The following MAPK8 variants were observed in gnomAD, a reference collection of about 807,000 sequenced individuals.
MAPK8 encodes the protein JUN N-terminal kinase.
A neutral mutation model predicts 52.9 loss-of-function variants in MAPK8; 13 were observed. The ratio of observed to expected loss-of-function variants is 0.25; its 90% CI spans 0.16 to 0.39. MAPK8 has a LOEUF of 0.39. Ranked by LOEUF, MAPK8 falls within the 10% of genes least tolerant of loss-of-function variation. The pLI, the probability that MAPK8 is intolerant of heterozygous loss-of-function variation, is 1.00. For synonymous variants in MAPK8, 191 were observed against 169.8 expected (o/e 1.12, Z -0.97); for missense variants, 300 against 519.2 (o/e 0.58, Z 4.10).
intron 1 of MAPK8, among the ~76,000 whole-genome samples, chr10:48,319,594 A>G (rs571068416): frequency 2.6e-5 from 4 of 152,034 alleles, no homozygotes; most frequent in South Asian, 2.1e-4. Flanking sequence ...GGTTCAAGCA[A>G]TTCTCCTGCC....
chr10:48,365,800 A>G (rs1262250573), intron 1 of MAPK8, among the ~76,000 whole-genome samples: 6 of 152,220 alleles, frequency 3.9e-5, no homozygotes, highest in African/African-American at 1.4e-4. Context: ...TAGGTTGTCA[A>G]AGAATGAGCA....
At chr10:48,311,691 T>C (rs1267770297) in intron 1 of MAPK8, among the ~76,000 whole-genome samples, 1 of 152,240 alleles carries the variant, frequency 6.6e-6, no homozygotes, top group African/African-American at 2.4e-5. Context: ...AACAATTCAT[T>C]GAGGCCTGGA....
At chr10:48,354,250 C>T (rs1846627529) in intron 1 of MAPK8, among the ~76,000 whole-genome samples, 1 of 152,184 alleles carries the variant, frequency 6.6e-6, no homozygotes, top group Non-Finnish European at 1.5e-5. Context: ...TACAGGATGT[C>T]TGGGAAATTG....
chr10:48,318,274 C>G (rs1019300990), intron 1 of MAPK8, among the ~76,000 whole-genome samples: 2 of 152,144 alleles, frequency 1.3e-5, no homozygotes, highest in African/African-American at 2.4e-5. Flanking sequence ...CAAGGATAAG[C>G]TCCTGTACTT....
chr10:48,430,889 T>C, intron 10 of MAPK8: 1 of 399,136 alleles, frequency 2.5e-6, no homozygotes, highest in Non-Finnish European at 4.6e-6. Flanking sequence ...TATGATGTGC[T>C]GTAGCACAAG....
intron 1 of MAPK8, among the ~76,000 whole-genome samples, chr10:48,312,497 C>T (rs1842073120): frequency 6.6e-6 from 1 of 152,166 alleles, no homozygotes; most frequent in Non-Finnish European, 1.5e-5. Flanking sequence ...TCTGGGGAAA[C>T]TAGAAACGAA....
intron 1 of MAPK8, among the ~76,000 whole-genome samples, chr10:48,344,758 A>C (rs919317502): frequency 3.3e-5 from 5 of 152,234 alleles, no homozygotes; most frequent in African/African-American, 1.2e-4. Context: ...TTGGGGAGAC[A>C]GTGTGTTTGT....
intron 3 of MAPK8, 127 bp from the exon 4 acceptor site, chr10:48,409,752 T>G: frequency 4.4e-6 from 3 of 674,158 alleles, no homozygotes; most frequent in Non-Finnish European, 7.6e-6. Flanking sequence ...GCAATTAACT[T>G]GAGCTTAGAA....
intron 1 of MAPK8, among the ~76,000 whole-genome samples, chr10:48,367,814 T>G (rs1848196364): frequency 6.6e-6 from 1 of 152,200 alleles, no homozygotes; most frequent in Non-Finnish European, 1.5e-5. Context: ...GGCATATATT[T>G]GAACACTTGG....
chr10:48,316,989 G>C (rs1390912849), intron 1 of MAPK8, among the ~76,000 whole-genome samples: 1 of 152,084 alleles, frequency 6.6e-6, no homozygotes, highest in African/African-American at 2.4e-5. Flanking sequence ...CTGTTCTTGT[G>C]CTTTATGTAT....
At chr10:48,383,746 T>A (rs1457549356) in intron 1 of MAPK8, among the ~76,000 whole-genome samples, 1 of 152,238 alleles carries the variant, frequency 6.6e-6, no homozygotes, top group Non-Finnish European at 1.5e-5. Flanking sequence ...TTCATTCTCA[T>A]TTTTTAGTTG....
intron 5 of MAPK8, among the ~76,000 whole-genome samples, chr10:48,414,166 A>G (rs1267949721): frequency 3.3e-5 from 5 of 152,038 alleles, no homozygotes; most frequent in Admixed American, 6.5e-5. Flanking sequence ...ATAGAATTAT[A>G]TAATATGTGA....
chr10:48,351,055 T>G (rs1188199886), intron 1 of MAPK8, among the ~76,000 whole-genome samples: 1 of 152,130 alleles, frequency 6.6e-6, no homozygotes, highest in Non-Finnish European at 1.5e-5. Context: ...GAATACATCT[T>G]ACAAGGGATG....
Position 48,349,025 on chromosome 10 carries a change from CAAAG to C in MAPK8, c.-50+42207_-50+42210del, listed in dbSNP as rs1220256777. On this transcript the variant is annotated intron_variant, in intron 1 of 11. Transcript: ENST00000374189. ...CTTTAAACCAACAAAGATAAAAAGACAAAGAAGGGCATTATATAATGGTAAAGGG... is the reference window on the plus strand; with the variant it reads ...CTTTAAACCAACAAAGATAAAAAGACAAGGGCATTATATAATGGTAAAGGG... Among the ~76,000 whole-genome samples, 7 of 150,526 alleles carry C rather than the reference CAAAG, an allele frequency of 4.7e-5. No individual in the cohort carries two copies. In the South Asian group the frequency reaches 6.3e-4, roughly 14 times the overall value.
intron 1 of MAPK8, among the ~76,000 whole-genome samples, chr10:48,399,645 C>T (rs1435169328): frequency 6.6e-6 from 1 of 152,194 alleles, no homozygotes; most frequent in African/African-American, 2.4e-5. Flanking sequence ...TCTACTCAAG[C>T]TTTTTCTTTT....
chr10:48,342,311 C>T (rs1456781896), intron 1 of MAPK8, among the ~76,000 whole-genome samples: 1 of 152,036 alleles, frequency 6.6e-6, no homozygotes, highest in Non-Finnish European at 1.5e-5. Context: ...ACCATGTTGC[C>T]CAGGCTGGTC....
chr10:48,351,435 T>C (rs1277147417), intron 1 of MAPK8, among the ~76,000 whole-genome samples: 3 of 151,966 alleles, frequency 2.0e-5, no homozygotes, highest in Admixed American at 6.6e-5. Context: ...GGTCTCAAAC[T>C]GCTGGGCTAA....
intron 1 of MAPK8, among the ~76,000 whole-genome samples, chr10:48,333,625 G>A (rs1199145945): frequency 6.6e-6 from 1 of 152,222 alleles, no homozygotes; most frequent in Non-Finnish European, 1.5e-5. Context: ...CACTGCAAGT[G>A]ATCAGGTTCC....
chr10:48,413,815 T>TATA (rs1554832942), intron 5 of MAPK8, among the ~76,000 whole-genome samples: 2 of 48,378 alleles, frequency 4.1e-5, no homozygotes, highest in African/African-American at 7.6e-5. Flanking sequence ...GCCAGAATTG[T>TATA]TATATATATA....
Sources: gnomAD v4.1 joint callset for allele counts (sites outside exome capture counted in the v4.1 genomes callset) on GRCh38, gnomAD v4.1.1 for gene constraint, MANE v1.5 for transcripts, NCBI Gene and HGNC (gene_info 2026-07-23, HGNC 2026-07-21) for gene names.